AP1S3: variants seen among roughly 807,000 people sequenced by gnomAD.
AP1S3 encodes AP-1 complex subunit sigma-3.
In AP1S3, 10 loss-of-function variants were observed where a neutral mutation model predicts 20.9. The ratio of observed to expected loss-of-function variants is 0.48; its 90% confidence interval spans 0.29 to 0.81. AP1S3 has a LOEUF of 0.81. AP1S3 is among the 30% of genes least tolerant of loss of function. The pLI is 0.08. For synonymous variants in AP1S3, 41 were observed against 61.5 expected (o/e 0.67, Z 1.56); for missense variants, 154 against 183.8 (o/e 0.84, Z 0.94).
intron 1 of AP1S3, among the ~76,000 whole-genome samples, chr2:223,825,094 G>C (rs1166322482): frequency 6.6e-6 from 1 of 151,802 alleles, no homozygotes; most frequent in African/African-American, 2.4e-5. Context: ...CGGAGCACGA[G>C]GTCAGGAGAT....
chr2:223,777,847 C>G lies in AP1S3; in HGVS notation c.26G>C (p.Ser9Thr), dbSNP rs1690826578. 6 of 1,613,740 alleles carry G rather than the reference C, an allele frequency of 3.7e-6. No homozygotes were observed. The highest frequency in any genetic ancestry group is 4.2e-6 in the Non-Finnish European group (5 of 1,179,934). ...CTGTAGCCGTAATTTCCCTTGTCGA[C>G]TGAAGAGCAATATGAAATGTATCTA... MIHFILLF[S>T]RQGKLRLQKW... The change falls in exon 2 of 5, where the codon AGT (serine) becomes ACT (threonine). Residue 9 changes from serine (S) to threonine (T), a missense_variant. Physicochemically the swap from Ser to Thr is moderately conservative, Grantham distance 58. Coordinates refer to ENST00000396654, the MANE Select transcript of AP1S3 (RefSeq NM_001039569.2).
At position 223,767,058 on chromosome 2, in the gene AP1S3, G is replaced by T. The variant is rs116437414; in HGVS notation, c.292-1708C>A. Among the ~76,000 whole-genome samples, 310 of 151,932 alleles carry T rather than the reference G, an allele frequency of 2.0e-3. 2 individuals carry two copies. The highest frequency in any genetic ancestry group is 7.1e-3 in the African/African-American group (296 of 41,442). ...ATCACACACCGGAGTGTGTTGGGGG[G>T]TGGGGGGCAAAATACCTAATGTAGA... On this transcript the variant is annotated intron_variant, in intron 3 of 4. Transcript: ENST00000396654.
At chr2:223,777,210 A>C (rs1385118364) in intron 2 of AP1S3, among the ~76,000 whole-genome samples, 1 of 152,210 alleles carries the variant, frequency 6.6e-6, no homozygotes, top group Non-Finnish European at 1.5e-5. Context: ...AGCCTGGCCA[A>C]CATGGTGAAA....
intron 1 of AP1S3, among the ~76,000 whole-genome samples, chr2:223,817,975 A>C (rs1034154467): frequency 6.6e-6 from 1 of 152,104 alleles, no homozygotes; most frequent in Non-Finnish European, 1.5e-5. Context: ...TTTTATATAC[A>C]TTATATTGTT....
intron 1 of AP1S3, among the ~76,000 whole-genome samples, chr2:223,780,304 TATATAGAG>T (rs1404548462): frequency 1.4e-3 from 63 of 45,830 alleles, no homozygotes; most frequent in East Asian, 4.6e-3. Flanking sequence ...TATATATATA[TATATAGAG>T]AGAGAGAGAG....
chr2:223,765,616 C>G (rs1314766097), intron 3 of AP1S3, among the ~76,000 whole-genome samples: 1 of 152,162 alleles, frequency 6.6e-6, no homozygotes. Context: ...GGGAATGAGG[C>G]CACTCGGCTC....
intron 1 of AP1S3, among the ~76,000 whole-genome samples, chr2:223,834,461 A>G (rs1692350930): frequency 6.6e-6 from 1 of 152,136 alleles, no homozygotes; most frequent in African/African-American, 2.4e-5. Flanking sequence ...ATGATGGCAC[A>G]CACCTGTGGT....
rs1690213945 is a variant in AP1S3 at position 223,756,276 on chromosome 2, GCAGTGACCTGAGATCA to G, written c.*2423_*2438del. Among the ~76,000 whole-genome samples, 1 of 152,114 alleles carries G rather than the reference GCAGTGACCTGAGATCA, an allele frequency of 6.6e-6. No homozygotes were observed. Among genetic ancestry groups the G allele is most frequent in the South Asian group, 2.1e-4 (1 of 4,822 alleles). On this transcript the variant is annotated 3_prime_UTR_variant, in exon 5 of 5. Coordinates refer to ENST00000396654, the MANE Select transcript of AP1S3 (RefSeq NM_001039569.2). ...CGTTTGAACCCAGGAGACGGAGGCT[GCAGTGACCTGAGATCA>G]CACCATTGCACTCTGGCCTGGGTGA...
intron 1 of AP1S3, among the ~76,000 whole-genome samples, chr2:223,797,761 G>A (rs761649308): frequency 2.0e-5 from 3 of 151,946 alleles, no homozygotes; most frequent in African/African-American, 4.8e-5. Context: ...GCAAAACTCC[G>A]TCTCAAAAAA....
intron 4 of AP1S3, among the ~76,000 whole-genome samples, chr2:223,762,021 A>G (rs4674813): frequency 0.7 from 106,755 of 151,890 alleles, 38,733 homozygotes; most frequent in East Asian, 0.98. Flanking sequence ...CGCCCAGGCT[A>G]GAGTGCAGTG....
At chr2:223,804,717 C>CA (rs746509169) in intron 1 of AP1S3, among the ~76,000 whole-genome samples, 5,879 of 117,896 alleles carry the variant, frequency 0.05, 330 homozygotes, top group African/African-American at 0.15. Flanking sequence ...GAGACTGTTT[C>CA]AAAAAAAAAA....
chr2:223,758,728 T>G lies in AP1S3; in HGVS notation c.452A>C (p.Lys151Thr). The change falls in exon 5 of 5, where the codon AAG becomes ACG. Residue 151 changes from lysine to threonine, a missense_variant. Physicochemically the swap from Lys to Thr is moderately conservative, Grantham distance 78. Coordinates refer to ENST00000396654, the MANE Select transcript of AP1S3 (RefSeq NM_001039569.2). Reference sequence around the variant, plus strand: ...GTAGATTTCCAGTTAAAATGTAGGCTTGTTCATGTATTCTTCCATTGTCTG... The same window carrying G: ...GTAGATTTCCAGTTAAAATGTAGGCGTGTTCATGTATTCTTCCATTGTCTG... ...LQETMEEYMN[K>T]PTF 6.2e-7 allele frequency: 1 copy of G among 1,610,192 alleles called. No individual in the cohort carries two copies.
chr2:223,797,103 C>T (rs938474448), intron 1 of AP1S3, among the ~76,000 whole-genome samples: 11 of 152,220 alleles, frequency 7.2e-5, no homozygotes, highest in South Asian at 2.1e-4. Context: ...CCAGTTTCTA[C>T]GCACAGTCAT....
At chr2:223,835,206 G>T (rs1228726540) in intron 1 of AP1S3, among the ~76,000 whole-genome samples, 2 of 152,148 alleles carry the variant, frequency 1.3e-5, no homozygotes, top group Non-Finnish European at 2.9e-5. Context: ...AGAGGTCAAG[G>T]AATTGTCCAA....
intron 1 of AP1S3, among the ~76,000 whole-genome samples, chr2:223,802,814 A>G (rs1037999277): frequency 6.6e-6 from 1 of 152,232 alleles, no homozygotes; most frequent in Non-Finnish European, 1.5e-5. Flanking sequence ...CTCAAAAAAA[A>G]TGTAACTTTC....
At chr2:223,771,409 T>C (rs1297415501) in intron 3 of AP1S3, among the ~76,000 whole-genome samples, 2 of 152,102 alleles carry the variant, frequency 1.3e-5, no homozygotes, top group Non-Finnish European at 2.9e-5. Flanking sequence ...ACAACAAAAA[T>C]ATGTACTTGA....
chr2:223,776,074 C>A lies in AP1S3; in HGVS notation c.183-65G>T. The A allele has an allele frequency of 2.4e-6, 3 of 1,276,198 alleles. No homozygotes were observed. The East Asian group carries it at 7.5e-5, about 32-fold the overall frequency. 79.1% of individuals were successfully genotyped at this position (1,276,198 alleles called of 1,614,324 possible). On this transcript the variant is annotated intron_variant, in intron 2 of 4. Coordinates refer to ENST00000396654, the MANE Select transcript of AP1S3 (RefSeq NM_001039569.2). ...ATTAAGCAACCTGGAGACAGTTTTT[C>A]CCACGAATATGCAGTCACCTCCTCC...
chr2:223,832,801 T>C (rs1370627437), intron 1 of AP1S3, among the ~76,000 whole-genome samples: 1 of 123,168 alleles, frequency 8.1e-6, no homozygotes, highest in African/African-American at 3.1e-5. Flanking sequence ...ATTTTTTTTC[T>C]TTTTTCTTTT....
At chr2:223,826,802 C>A (rs1182476876) in intron 1 of AP1S3, among the ~76,000 whole-genome samples, 1 of 152,032 alleles carries the variant, frequency 6.6e-6, no homozygotes, top group Non-Finnish European at 1.5e-5. Flanking sequence ...TACAGGCGAG[C>A]ACCACCACGC....
Sources: gnomAD v4.1 joint callset for allele counts (sites outside exome capture counted in the v4.1 genomes callset) on GRCh38, gnomAD v4.1.1 for gene constraint, MANE v1.5 for transcripts, NCBI Gene and HGNC (gene_info 2026-07-23, HGNC 2026-07-21) for gene names.